MLLT3: variants seen among roughly 807,000 people sequenced by gnomAD.
MLLT3 encodes protein AF-9.
MLLT3 carries 4 observed loss-of-function variants against 53.2 expected under a neutral mutation model. The ratio of observed to expected loss-of-function variants is 0.08; its 90% CI spans 0.04 to 0.17. The LOEUF (loss-of-function observed/expected upper bound fraction) is 0.17. Ranked by LOEUF, MLLT3 falls within the 10% of genes least tolerant of loss-of-function variation. The probability of loss-of-function intolerance (pLI) is 1.00; values close to 1 mark genes in which losing one functional copy is unlikely to be tolerated. For synonymous variants in MLLT3, 283 were observed against 230.6 expected (o/e 1.23, Z -2.06); for missense variants, 569 against 684.0 (o/e 0.83, Z 1.87).
At chr9:20,612,219 A>T (rs1820720330) in intron 2 of MLLT3, among the ~76,000 whole-genome samples, 1 of 152,164 alleles carries the variant, frequency 6.6e-6, no homozygotes, top group Admixed American at 6.5e-5. Flanking sequence ...TACATGCAAG[A>T]TTGCTCCACA....
intron 2 of MLLT3, among the ~76,000 whole-genome samples, chr9:20,564,504 G>A (rs528635313): frequency 7.9e-5 from 12 of 152,250 alleles, no homozygotes; most frequent in South Asian, 4.1e-4. Flanking sequence ...TAGCCTTTGC[G>A]TTCTCCAGCC....
chr9:20,444,267 C>A (rs1823633311), intron 4 of MLLT3, among the ~76,000 whole-genome samples: 1 of 152,140 alleles, frequency 6.6e-6, no homozygotes, highest in African/African-American at 2.4e-5. Flanking sequence ...AGTGATCAAT[C>A]AGTTCATTCT....
At chr9:20,613,815 T>C (rs1820757653) in intron 2 of MLLT3, among the ~76,000 whole-genome samples, 1 of 152,156 alleles carries the variant, frequency 6.6e-6, no homozygotes, top group African/African-American at 2.4e-5. Context: ...ACAATCTTTT[T>C]GGAGGAAAGT....
At chr9:20,445,079 A>C (rs1490802649) in intron 4 of MLLT3, among the ~76,000 whole-genome samples, 1 of 151,962 alleles carries the variant, frequency 6.6e-6, no homozygotes, top group Non-Finnish European at 1.5e-5. Flanking sequence ...CAACAGAGTG[A>C]GACTCCATCT....
In MLLT3 at chr9:20,342,853, T is replaced by C. The variant is rs1820770879; in HGVS notation, c.*3590A>G. On this transcript the variant is annotated 3_prime_UTR_variant, in exon 11 of 11. Coordinates refer to ENST00000380338, the MANE Select transcript of MLLT3 (RefSeq NM_004529.4). Reference sequence around the variant, plus strand: ...ATATGTGTATATATATATATATATGTATATATAAATATAGGAGCAGTACAT... The same window carrying C: ...ATATGTGTATATATATATATATATGCATATATAAATATAGGAGCAGTACAT... 1 of 174,390 alleles carries C rather than the reference T, an allele frequency of 5.7e-6. No homozygotes were observed. Among genetic ancestry groups the C allele is most frequent in the Non-Finnish European group, 1.2e-5 (1 of 82,318 alleles). 10.8% of individuals were successfully genotyped at this position (174,390 alleles called of 1,614,324 possible). A position where few individuals can be genotyped will look rare whatever the true frequency, so the allele number is the denominator to read the frequency against.
chr9:20,577,900 C>G (rs899758293), intron 2 of MLLT3, among the ~76,000 whole-genome samples: 2 of 152,152 alleles, frequency 1.3e-5, no homozygotes, highest in African/African-American at 4.8e-5. Context: ...CTGGCCAGTT[C>G]TATATTATTT....
chr9:20,356,461 C>T (rs946758163), intron 8 of MLLT3, among the ~76,000 whole-genome samples: 1 of 152,010 alleles, frequency 6.6e-6, no homozygotes, highest in African/African-American at 2.4e-5. Flanking sequence ...GAAAAATCAG[C>T]GCTGAGACCT....
chr9:20,538,429 A>G (rs995002401), intron 2 of MLLT3, among the ~76,000 whole-genome samples: 1 of 152,228 alleles, frequency 6.6e-6, no homozygotes, highest in Non-Finnish European at 1.5e-5. Context: ...ACATTTCTAG[A>G]GCATGCCATA....
chr9:20,450,583 G>C (rs538869938), intron 3 of MLLT3, among the ~76,000 whole-genome samples: 3 of 152,200 alleles, frequency 2.0e-5, no homozygotes, highest in Non-Finnish European at 4.4e-5. Context: ...CCTTTCACAA[G>C]TAGTGCTCCC....
At chr9:20,350,436 A>T (rs567004376) in intron 10 of MLLT3, among the ~76,000 whole-genome samples, 1 of 151,746 alleles carries the variant, frequency 6.6e-6, no homozygotes, top group Admixed American at 6.6e-5. Flanking sequence ...TCTACTAAAA[A>T]TACAAAAAAT....
At chr9:20,546,891 C>G (rs1414339275) in intron 2 of MLLT3, among the ~76,000 whole-genome samples, 3 of 152,196 alleles carry the variant, frequency 2.0e-5, no homozygotes, top group Non-Finnish European at 2.9e-5. Context: ...AAACTGCATG[C>G]CTTCTGCAAG....
intron 2 of MLLT3, among the ~76,000 whole-genome samples, chr9:20,476,386 T>A (rs1396480871): frequency 6.6e-6 from 1 of 152,132 alleles, no homozygotes; most frequent in Non-Finnish European, 1.5e-5. Flanking sequence ...AATCGGGAGT[T>A]AAATATACTG....
At position 20,414,140 on chromosome 9, in the gene MLLT3, G is replaced by T. The variant is rs1822802657; in HGVS notation, c.706C>A (p.Pro236Thr). ...NKSSKESSKK[P>T]KENKPLKEEK... ...TCTTTCAGTGGTTTATTTTCTTTGG[G>T]TTTCTTAGAGGATTCTTTGGAAGAT... is the stretch of plus-strand genomic sequence containing the variant. Residue 236 changes from proline (P) to threonine (T), a missense_variant, in exon 5 of 11, where the codon CCC becomes ACC. By Grantham distance (38) the Pro-to-Thr change is conservative (BLOSUM62 -1). Around this residue, in one of 5 missense-constraint regions of MLLT3, gnomAD observed 437 missense variants for 376.5 expected, o/e 1.16. Coordinates refer to ENST00000380338, the MANE Select transcript of MLLT3 (RefSeq NM_004529.4). 2 of 1,613,900 alleles carry T rather than the reference G, an allele frequency of 1.2e-6. No individual in the cohort carries two copies. Among genetic ancestry groups the T allele is most frequent in the Admixed American group, 3.3e-5 (2 of 59,936 alleles).
chr9:20,622,142 C>G lies in MLLT3; in HGVS notation c.12+103G>C, dbSNP rs1821037119. 6 of 1,327,520 alleles carry G rather than the reference C, an allele frequency of 4.5e-6. No homozygotes were observed. The East Asian group carries it at 1.2e-4, about 27-fold the overall frequency. The allele number at this position is 1,327,520 out of a possible 1,614,324, so 82.2% of individuals were successfully genotyped here. ...CCCTGCAAGCCGTACCAACCTTTCT[C>G]TAATTGGAACCGCGGAGCGCTGGCG... On this transcript the variant is annotated intron_variant, in intron 1 of 10. Coordinates refer to ENST00000380338, the MANE Select transcript of MLLT3 (RefSeq NM_004529.4).
intron 4 of MLLT3, among the ~76,000 whole-genome samples, chr9:20,442,853 T>G (rs1823589548): frequency 6.6e-6 from 1 of 152,162 alleles, no homozygotes; most frequent in Non-Finnish European, 1.5e-5. Context: ...TGCTGCAGAT[T>G]TAATACAGAC....
chr9:20,530,411 T>C (rs939809662), intron 2 of MLLT3, among the ~76,000 whole-genome samples: 2 of 152,196 alleles, frequency 1.3e-5, no homozygotes, highest in African/African-American at 2.4e-5. Flanking sequence ...GCAAAATGTA[T>C]GGCCAGTGGA....
At chr9:20,532,454 A>T (rs1587035174) in intron 2 of MLLT3, 1 of 177,570 alleles carries the variant, frequency 5.6e-6, no homozygotes, top group East Asian at 1.4e-4. Context: ...ATAGTATATA[A>T]TTTGAGCCTA....
chr9:20,588,320 T>C (rs1025180801), intron 2 of MLLT3, among the ~76,000 whole-genome samples: 5 of 149,992 alleles, frequency 3.3e-5, no homozygotes, highest in Non-Finnish European at 7.5e-5. Flanking sequence ...GACTTGGCGA[T>C]GCGGGCTCTT....
intron 2 of MLLT3, among the ~76,000 whole-genome samples, chr9:20,617,696 C>G (rs1820869814): frequency 6.6e-6 from 1 of 152,138 alleles, no homozygotes; most frequent in Non-Finnish European, 1.5e-5. Context: ...CATACTCTGA[C>G]CTACCTGTTT....
Sources: allele counts gnomAD v4.1 joint callset (sites outside exome capture counted in the v4.1 genomes callset), GRCh38; gene constraint gnomAD v4.1.1; regional missense constraint gnomAD v4.1.1; transcripts MANE v1.5; gene names NCBI Gene and HGNC (gene_info 2026-07-23, HGNC 2026-07-21).